BBX: variants seen among roughly 807,000 people sequenced by gnomAD.
BBX encodes the protein HMG box transcription factor BBX.
In BBX, 30 loss-of-function variants were observed where a neutral mutation model predicts 100.2. The ratio of observed to expected loss-of-function variants is 0.30; its 90% CI spans 0.22 to 0.41. The LOEUF (loss-of-function observed/expected upper bound fraction) is 0.41, where lower values mean the gene tolerates loss of function less well. Among genes scored for constraint, BBX ranks in the 10% least tolerant of loss-of-function variants. The pLI is 1.00. For synonymous variants in BBX, 376 were observed against 388.1 expected (o/e 0.97, Z 0.37); for missense variants, 1,023 against 1,129.8 (o/e 0.91, Z 1.35).
At chr3:107,583,213 T>C (rs2052414240) in intron 2 of BBX, among the ~76,000 whole-genome samples, 1 of 152,010 alleles carries the variant, frequency 6.6e-6, no homozygotes, top group Non-Finnish European at 1.5e-5. Context: ...TTAAGGCTTA[T>C]ACTGTTTTGT....
intron 17 of BBX, among the ~76,000 whole-genome samples, chr3:107,803,874 A>C (rs1255025438): frequency 2.6e-5 from 4 of 151,276 alleles, no homozygotes; most frequent in Admixed American, 2.6e-4. Context: ...TCCTTTTTCC[A>C]TTGATTTAGC....
chr3:107,758,511 A>G (rs1389517706), intron 10 of BBX, among the ~76,000 whole-genome samples: 2 of 152,142 alleles, frequency 1.3e-5, no homozygotes, highest in African/African-American at 4.8e-5. Context: ...AGAATATGGT[A>G]GAGATGCCTT....
At chr3:107,684,061 A>G (rs1435565786) in intron 3 of BBX, among the ~76,000 whole-genome samples, 1 of 152,186 alleles carries the variant, frequency 6.6e-6, no homozygotes, top group Non-Finnish European at 1.5e-5. Flanking sequence ...TACTATGTCA[A>G]TATCTGTTGT....
chr3:107,748,098 G>A (rs2064774384), intron 9 of BBX, 59 bp downstream of exon 9: 7 of 1,418,030 alleles, frequency 4.9e-6, no homozygotes, highest in Admixed American at 3.5e-5. Flanking sequence ...CAGGAATACT[G>A]GAATGGAGTT....
chr3:107,769,859 T>C (rs2107768056), intron 10 of BBX, among the ~76,000 whole-genome samples: 1 of 152,300 alleles, frequency 6.6e-6, no homozygotes, highest in African/African-American at 2.4e-5. Context: ...AGAAAACCTC[T>C]AGAGTGACGC....
At chr3:107,676,678 G>T (rs1257561912) in intron 3 of BBX, among the ~76,000 whole-genome samples, 1 of 152,132 alleles carries the variant, frequency 6.6e-6, no homozygotes, top group African/African-American at 2.4e-5. Context: ...TAACTGGGCT[G>T]TTCCTTATTC....
chr3:107,704,334 A>G (rs2061263923), intron 3 of BBX, among the ~76,000 whole-genome samples: 1 of 152,238 alleles, frequency 6.6e-6, no homozygotes, highest in Non-Finnish European at 1.5e-5. Flanking sequence ...ACTACTGTGC[A>G]GTAGGCTCCG....
At chr3:107,559,811 C>G (rs2050347374) in intron 2 of BBX, among the ~76,000 whole-genome samples, 1 of 152,136 alleles carries the variant, frequency 6.6e-6, no homozygotes, top group South Asian at 2.1e-4. Context: ...GGTATGATCT[C>G]AGCTCACTGC....
Position 107,710,605 on chromosome 3 carries a change from G to C in BBX, c.145G>C (p.Glu49Gln). 6.2e-7 allele frequency: 1 copy of C among 1,612,328 alleles called. No individual in the cohort carries two copies. Among genetic ancestry groups the C allele is most frequent in the South Asian group, 1.1e-5 (1 of 90,792 alleles). Residue 49 changes from glutamate (E) to glutamine (Q), a missense_variant, in exon 4 of 18, where the codon GAG (glutamate) becomes CAG (glutamine). Glu to Gln is a conservative substitution (Grantham distance 29). Coordinates refer to ENST00000325805, the MANE Select transcript of BBX (RefSeq NM_001142568.3). ...FSEEEEEEDE[E>Q]EDIDKVQLLG... ...AGAAGAGGAAGAAGAGGAAGACGAA[G>C]AGGAGGATATTGATAAGGTAAGTCC...
rs558034075 is a variant in BBX, at chr3:107,608,983, T to G, written c.-83-36853T>G. Among the ~76,000 whole-genome samples, 35 of 152,308 alleles carry G rather than the reference T, an allele frequency of 2.3e-4. 1 individual carries two copies. In the East Asian group the frequency reaches 3.1e-3, roughly 13 times the overall value. On this transcript the variant is annotated intron_variant, in intron 2 of 17. Transcript: ENST00000325805. ...GAATCTTTAGGTTTTTCAAAATATA[T>G]GATCATATCATCTGCAAACAAGGAT...
intron 3 of BBX, among the ~76,000 whole-genome samples, chr3:107,669,208 C>T (rs989924623): frequency 6.6e-6 from 1 of 152,040 alleles, no homozygotes; most frequent in Non-Finnish European, 1.5e-5. Flanking sequence ...AATAGTGTCA[C>T]AAGGCAGTTT....
At chr3:107,530,588 TAAAAG>T (rs1332869111) in intron 2 of BBX, among the ~76,000 whole-genome samples, 1 of 152,168 alleles carries the variant, frequency 6.6e-6, no homozygotes, top group Non-Finnish European at 1.5e-5. Context: ...ACTGAACTCT[TAAAAG>T]GAACATACAA....
At chr3:107,755,899 T>G (rs934808387) in intron 10 of BBX, among the ~76,000 whole-genome samples, 1 of 152,172 alleles carries the variant, frequency 6.6e-6, no homozygotes, top group African/African-American at 2.4e-5. Context: ...ATTGCAAAAT[T>G]TTTTTCACAG....
At position 107,710,628 on chromosome 3, in the gene BBX, T is replaced by A. The variant is rs2061657474; in HGVS notation, c.162+6T>A. The A allele has an allele frequency of 6.3e-7, 1 of 1,596,990 alleles. No homozygotes were observed. The highest frequency in any genetic ancestry group is 1.4e-5 in the African/African-American group (1 of 73,900). ...AAGAGGAGGATATTGATAAGGTAAGTCCTATATTTACCATAGAAGTTTCAA... is the reference window on the plus strand; with the variant it reads ...AAGAGGAGGATATTGATAAGGTAAGACCTATATTTACCATAGAAGTTTCAA... On this transcript the variant is annotated splice_donor_region_variant and intron_variant, in intron 4 of 17. Coordinates refer to ENST00000325805, the MANE Select transcript of BBX (RefSeq NM_001142568.3).
chr3:107,724,061 A>C (rs779547054), intron 5 of BBX, among the ~76,000 whole-genome samples: 10 of 151,924 alleles, frequency 6.6e-5, no homozygotes, highest in South Asian at 2.1e-4. Flanking sequence ...TCCATATCCT[A>C]TCCAGCACCT....
At chr3:107,653,947 A>C (rs1314812247) in intron 3 of BBX, among the ~76,000 whole-genome samples, 3 of 152,210 alleles carry the variant, frequency 2.0e-5, no homozygotes, top group Non-Finnish European at 4.4e-5. Flanking sequence ...GCAGAGTAGT[A>C]TATACCCTCC....
chr3:107,733,054 C>T, intron 7 of BBX, 31 bp downstream of exon 7: 2 of 1,595,306 alleles, frequency 1.3e-6, no homozygotes, highest in South Asian at 2.2e-5. Context: ...CTCCACTCTG[C>T]TCATACTGTG....
intron 3 of BBX, among the ~76,000 whole-genome samples, chr3:107,699,468 A>G (rs912618312): frequency 6.6e-6 from 1 of 151,928 alleles, no homozygotes; most frequent in Non-Finnish European, 1.5e-5. Context: ...TCATTAATAC[A>G]TTGAGGGACT....
intron 2 of BBX, among the ~76,000 whole-genome samples, chr3:107,637,502 G>A (rs904911888): frequency 2.0e-5 from 3 of 152,210 alleles, no homozygotes; most frequent in African/African-American, 7.2e-5. Flanking sequence ...GTGATACAGG[G>A]CAAGTGTACT....
Sources: gnomAD v4.1 joint callset for allele counts (sites outside exome capture counted in the v4.1 genomes callset) on GRCh38, gnomAD v4.1.1 for gene constraint, MANE v1.5 for transcripts, NCBI Gene and HGNC (gene_info 2026-07-23, HGNC 2026-07-21) for gene names.